Variants in NAIP observed in about 807,000 individuals in gnomAD.
NAIP encodes the protein NLR family apoptosis inhibitory protein, also known as baculoviral IAP repeat-containing protein 1.
NAIP carries 15 observed loss-of-function variants against 23.0 expected under a neutral mutation model. The observed-to-expected ratio is 0.65, with a 90% CI of 0.44 to 1.00. The LOEUF (loss-of-function observed/expected upper bound fraction) is 1.00. Ranked by LOEUF, NAIP falls within the 50% of genes least tolerant of loss-of-function variation. The pLI, the probability that NAIP is intolerant of heterozygous loss-of-function variation, is 0.00. For missense variants in NAIP, 265 were observed against 278.8 expected, an observed-to-expected ratio of 0.95 and a Z score of 0.35; for synonymous variants, 100 against 100.2, an observed-to-expected ratio of 1.00 and a Z score of 0.01.
chr5:71,009,803 G>A (rs1164404196), intron 5 of NAIP, among the ~76,000 whole-genome samples: 1 of 151,640 alleles, frequency 6.6e-6, no homozygotes, highest in Non-Finnish European at 1.5e-5. Context: ...ATCTTTGTAT[G>A]AAATTTTACA....
intron 4 of NAIP, chr5:71,011,833 T>G: frequency 2.5e-6 from 1 of 398,756 alleles, no homozygotes; most frequent in Non-Finnish European, 5.0e-6. Context: ...TAAGAATTAG[T>G]ACTCACTCTA....
chr5:71,012,606 G>T lies in NAIP; in HGVS notation c.310C>A (p.Leu104Ile), dbSNP rs761927766. 1 of 1,611,928 alleles carries T rather than the reference G, an allele frequency of 6.2e-7. No individual in the cohort carries two copies. The highest frequency in any genetic ancestry group is 1.1e-5 in the South Asian group (1 of 90,972). Residue 104 changes from leucine to isoleucine, a missense_variant, in exon 4 of 17, where the codon CTC (leucine) becomes ATC (isoleucine). Around this residue, in one of 2 missense-constraint regions of NAIP, gnomAD observed 261 missense variants for 259.2 expected, o/e 1.01. Coordinates refer to ENST00000517649, the MANE Select transcript of NAIP (RefSeq NM_004536.3). ...GIQCFCCSLI[L>I]FGAGLTRLPI... Reference sequence around the variant, plus strand: ...AGTCTCGTGAGGCCGGCACCAAAGAGGATTAGGCTACAGCAGAAGCACTGA... The same window carrying T: ...AGTCTCGTGAGGCCGGCACCAAAGATGATTAGGCTACAGCAGAAGCACTGA...
chr5:71,014,614 T>C (rs1222483272), intron 3 of NAIP, among the ~76,000 whole-genome samples: 5 of 151,618 alleles, frequency 3.3e-5, no homozygotes, highest in Non-Finnish European at 5.9e-5. Context: ...TAATAAGACA[T>C]AGTATTAGCT....
chr5:71,013,639 TAAAAA>T (rs35296500), intron 3 of NAIP, among the ~76,000 whole-genome samples: 1 of 123,860 alleles, frequency 8.1e-6, no homozygotes, highest in Non-Finnish European at 1.7e-5. Context: ...GACTCCGTCT[TAAAAA>T]AAAAAAAAAA....
chr5:70,971,903 G>T (rs1750186211), intron 16 of NAIP, among the ~76,000 whole-genome samples: 3 of 60,368 alleles, frequency 5.0e-5, no homozygotes, highest in Non-Finnish European at 5.9e-5. Context: ...TTTTTTTTTT[G>T]AGACAGGGTG....
At chr5:70,977,712 G>T (rs1750330672) in intron 13 of NAIP, among the ~76,000 whole-genome samples, 1 of 136,408 alleles carries the variant, frequency 7.3e-6, no homozygotes, top group African/African-American at 2.7e-5. Flanking sequence ...CAAAGAAACA[G>T]CTGGGCATAG....
At position 70,969,645 on chromosome 5, in the gene NAIP, GA is replaced by G. The variant is rs1750084786; in HGVS notation, c.*458del. 1 of 122,588 alleles carries G rather than the reference GA, an allele frequency of 8.2e-6. No individual in the cohort carries two copies. The highest frequency in any genetic ancestry group is 1.7e-5 in the Non-Finnish European group (1 of 59,346). 7.6% of individuals were successfully genotyped at this position (122,588 alleles called of 1,614,324 possible). A position where few individuals can be genotyped will look rare whatever the true frequency, so the allele number is the denominator to read the frequency against. On this transcript the variant is annotated 3_prime_UTR_variant, in exon 17 of 17. Transcript: ENST00000517649. ...ATTAAGGAACATCTCTTGGCCCACA[GA>G]AGATTCATGTGGATCCTGTGTTAAA...
intron 5 of NAIP, among the ~76,000 whole-genome samples, 180 bp downstream of exon 5, chr5:71,011,095 T>C (rs1338833937): frequency 1.3e-5 from 2 of 150,834 alleles, no homozygotes; most frequent in Non-Finnish European, 3.0e-5. Flanking sequence ...TAGCCCATCT[T>C]GGTGGTGCAC....
At chr5:71,011,422 G>T (rs1418536025) in intron 4 of NAIP, 48 bp from the exon 5 acceptor site, 1 of 1,413,868 alleles carries the variant, frequency 7.1e-7, no homozygotes. Flanking sequence ...GGCACCAGGG[G>T]GTATGTACAC....
At position 71,013,639 on chromosome 5, in the gene NAIP, TAA is replaced by T. The variant is rs35296500; in HGVS notation, c.-3-723_-3-722del. Among the ~76,000 whole-genome samples the T allele has an allele frequency of 7.6e-3, 935 of 123,804 alleles. 12 individuals are homozygous for T. Among genetic ancestry groups the T allele is most frequent in the African/African-American group, 0.018 (596 of 33,068 alleles). The allele number at this position is 123,804 out of a possible 152,430, so 81.2% of individuals were successfully genotyped here. A position where few individuals can be genotyped will look rare whatever the true frequency, so the allele number is the denominator to read the frequency against. On this transcript the variant is annotated intron_variant, in intron 3 of 16. Transcript: ENST00000517649. ...TGGGTGACAGAGCAAGACTCCGTCT[TAA>T]AAAAAAAAAAAAAAAAAAGAAGCTC...
rs527820571 is a variant in NAIP at position 71,013,583 on chromosome 5, C to T, written c.-3-665G>A. Among the ~76,000 whole-genome samples, 491 of 145,570 alleles carry T rather than the reference C, an allele frequency of 3.4e-3. 5 individuals are homozygous for T. The highest frequency in any genetic ancestry group is 0.012 in the African/African-American group (468 of 39,372). On this transcript the variant is annotated intron_variant, in intron 3 of 16. Coordinates refer to ENST00000517649, the MANE Select transcript of NAIP (RefSeq NM_004536.3). ...TGAACCCAGGAGGTGGAGCTTGCAG[C>T]GAGCCGAGATCGCGCCACGGTACTC... is the stretch of plus-strand genomic sequence containing the variant.
intron 13 of NAIP, 51 bp downstream of exon 13, chr5:70,979,818 G>A (rs1482121924): frequency 6.3e-5 from 1 of 15,872 alleles, no homozygotes; most frequent in Non-Finnish European, 1.1e-4. Context: ...TATTGGCCAA[G>A]TAGCTTTTCC....
At chr5:71,008,210 C>T (rs1401458268) in intron 5 of NAIP, among the ~76,000 whole-genome samples, 2 of 149,846 alleles carry the variant, frequency 1.3e-5, no homozygotes, top group Non-Finnish European at 3.0e-5. Flanking sequence ...GCTGGGGTTA[C>T]AGGTGCCTGC....
chr5:71,014,389 AG>A (rs1751334968), intron 3 of NAIP, among the ~76,000 whole-genome samples: 1 of 151,512 alleles, frequency 6.6e-6, no homozygotes, highest in South Asian at 2.1e-4. Flanking sequence ...GCTGAAGTGC[AG>A]TGGCGCAATC....
chr5:71,012,981 C>T (rs1366948883), intron 3 of NAIP, 63 bp from the exon 4 acceptor site: 2 of 1,352,898 alleles, frequency 1.5e-6, no homozygotes, highest in South Asian at 1.5e-5. Flanking sequence ...AGAGCATTTC[C>T]CACTGTTTCC....
At chr5:71,011,808 G>A in intron 4 of NAIP, 1 of 429,738 alleles carries the variant, frequency 2.3e-6, no homozygotes, top group South Asian at 1.8e-5. Flanking sequence ...GAGAGAAAGG[G>A]GTAAATTCAT....
intron 13 of NAIP, among the ~76,000 whole-genome samples, chr5:70,977,688 A>G (rs1023083787): frequency 3.3e-5 from 5 of 149,762 alleles, no homozygotes; most frequent in Non-Finnish European, 7.4e-5. Context: ...AAAAAAAAAA[A>G]AAAGAATACT....
rs879784931 is a variant in NAIP at position 70,969,916 on chromosome 5, G to GGTGA, written c.*184_*187dup. 12,067 of 414,170 alleles carry GGTGA rather than the reference G, an allele frequency of 0.029. 4 individuals are homozygous for GGTGA. Among genetic ancestry groups the GGTGA allele is most frequent in the Non-Finnish European group, 0.04 (8,805 of 219,014 alleles). 25.7% of individuals were successfully genotyped at this position (414,170 alleles called of 1,614,324 possible). Reference sequence around the variant, plus strand: ...TGATGATTTATTTCTTGAGCTTGGTGGTGAGTATGCAGGACTGTGTTTTGT... The same window carrying GGTGA: ...TGATGATTTATTTCTTGAGCTTGGTGGTGAGTGAGTATGCAGGACTGTGTTTTGT... On this transcript the variant is annotated 3_prime_UTR_variant, in exon 17 of 17. Transcript: ENST00000517649.
At chr5:70,978,239 A>ACTT (rs1173099087) in intron 13 of NAIP, among the ~76,000 whole-genome samples, 3 of 148,506 alleles carry the variant, frequency 2.0e-5, no homozygotes, top group African/African-American at 7.5e-5. Flanking sequence ...GCAAGCTTGA[A>ACTT]CTTCTGGACT....
Sources: gnomAD v4.1 joint callset for allele counts (sites outside exome capture counted in the v4.1 genomes callset) on GRCh38, gnomAD v4.1.1 for gene constraint, gnomAD v4.1.1 regional missense constraint, MANE v1.5 for transcripts, NCBI Gene and HGNC (gene_info 2026-07-23, HGNC 2026-07-21) for gene names.